NFX1: variants seen among roughly 807,000 people sequenced by gnomAD.
NFX1 encodes transcriptional repressor NF-X1.
In NFX1, 69 loss-of-function variants were observed where a neutral mutation model predicts 137.2. The ratio of observed to expected loss-of-function variants is 0.50; its 90% confidence interval spans 0.41 to 0.61. The LOEUF (loss-of-function observed/expected upper bound fraction) is 0.61, where lower values mean the gene tolerates loss of function less well. Among genes scored for constraint, NFX1 ranks in the 20% least tolerant of loss-of-function variants. The pLI is 0.00. For synonymous variants in NFX1, 495 were observed against 474.1 expected, an observed-to-expected ratio of 1.04 and a Z score of -0.57; for missense variants, 1,167 against 1,391.0, an observed-to-expected ratio of 0.84 and a Z score of 2.56.
rs150408873 is a variant in NFX1, at chr9:33,342,128, TCACA to T, written c.2116-598_2116-595del. The stretch of plus-strand genomic sequence containing the variant: ...GAGACCCTGTCTCTGTCTCTCTCTC[TCACA>T]CACACACACACACACACACGATGTA... On this transcript the variant is annotated intron_variant, in intron 12 of 23. Transcript: ENST00000379540. 3.9e-3 allele frequency among the ~76,000 whole-genome samples: 570 copies of T among 146,174 alleles called. 1 individual carries two copies. The highest frequency in any genetic ancestry group is 0.013 in the African/African-American group (533 of 39,844).
intron 9 of NFX1, among the ~76,000 whole-genome samples, chr9:33,326,241 C>T (rs528308150): frequency 6.6e-6 from 1 of 151,904 alleles, no homozygotes; most frequent in South Asian, 2.1e-4. Context: ...GGTGAAACTC[C>T]GTTTCTACTA....
Position 33,313,650 on chromosome 9 carries a change from A to G in NFX1, c.1449-4A>G, listed in dbSNP as rs1822046842. The G allele has an allele frequency of 1.2e-6, 2 of 1,613,856 alleles. No individual in the cohort carries two copies. The highest frequency in any genetic ancestry group is 1.3e-5 in the African/African-American group (1 of 74,912). On this transcript the variant is annotated splice_region_variant and splice_polypyrimidine_tract_variant and intron_variant, in intron 6 of 23. Transcript: ENST00000379540. ...TGCTGTCTTTACATCTATTGTCTTTACAGGCACACAGTTCGCTGTGGTCAG... is the reference window on the plus strand; with the variant it reads ...TGCTGTCTTTACATCTATTGTCTTTGCAGGCACACAGTTCGCTGTGGTCAG...
chr9:33,315,392 C>T (rs1013371478), intron 7 of NFX1, among the ~76,000 whole-genome samples: 2 of 152,146 alleles, frequency 1.3e-5, no homozygotes, highest in African/African-American at 2.4e-5. Context: ...CAACTCTAAT[C>T]GTCCCAGTTT....
At position 33,364,901 on chromosome 9, in the gene NFX1, G is replaced by C. The variant is rs1587882924; in HGVS notation, c.3039+127G>C. 7.3e-6 allele frequency: 11 copies of C among 1,499,040 alleles called. No individual in the cohort carries two copies. In the East Asian group the frequency reaches 2.7e-4, roughly 37 times the overall value. The allele number at this position is 1,499,040 out of a possible 1,614,324, so 92.9% of individuals were successfully genotyped here. A position where few individuals can be genotyped will look rare whatever the true frequency, so the allele number is the denominator to read the frequency against. On this transcript the variant is annotated intron_variant, in intron 21 of 23. Transcript: ENST00000379540. ...AGGAAAAAGTCACAACTTCTTTGAG[G>C]ATCCTTATCTTTCTCAAAACACAGC...
At chr9:33,335,503 G>A (rs542059239) in intron 11 of NFX1, among the ~76,000 whole-genome samples, 1 of 152,024 alleles carries the variant, frequency 6.6e-6, no homozygotes, top group South Asian at 2.1e-4. Context: ...AAAGTGCTGG[G>A]ATTACAGTCA....
intron 10 of NFX1, among the ~76,000 whole-genome samples, chr9:33,331,815 G>A (rs1822818265): frequency 6.6e-6 from 1 of 151,822 alleles, no homozygotes; most frequent in African/African-American, 2.4e-5. Context: ...GTAGAAGCCG[G>A]GCAGCTAGCC....
intron 15 of NFX1, among the ~76,000 whole-genome samples, chr9:33,347,456 A>C (rs567078024): frequency 6.6e-6 from 1 of 152,172 alleles, no homozygotes; most frequent in Admixed American, 6.5e-5. Flanking sequence ...TGTTCCAATC[A>C]TTTTACTTTA....
intron 19 of NFX1, among the ~76,000 whole-genome samples, chr9:33,355,242 T>G (rs986932351): frequency 1.3e-5 from 2 of 152,222 alleles, no homozygotes; most frequent in South Asian, 4.1e-4. Context: ...TATTGAAGAT[T>G]GGAAGTGTGC....
intron 9 of NFX1, among the ~76,000 whole-genome samples, chr9:33,322,644 T>C (rs1225435378): frequency 6.6e-6 from 1 of 152,034 alleles, no homozygotes; most frequent in African/African-American, 2.4e-5. Flanking sequence ...AGGGCAGAGG[T>C]TCCACTGAGA....
intron 11 of NFX1, 26 bp downstream of exon 11, chr9:33,332,528 A>T (rs753015194): frequency 4.0e-5 from 61 of 1,526,238 alleles, no homozygotes; most frequent in Middle Eastern, 3.4e-4. Flanking sequence ...GGCATGAGGG[A>T]ATTTCTGGGG....
intron 6 of NFX1, among the ~76,000 whole-genome samples, chr9:33,313,134 ACTC>A (rs1822023119): frequency 6.6e-6 from 1 of 151,992 alleles, no homozygotes; most frequent in African/African-American, 2.4e-5. Context: ...AGATCTTCTA[ACTC>A]CTCACCCCAG....
At position 33,319,132 on chromosome 9, in the gene NFX1, C is replaced by G. The variant is rs1459415795; in HGVS notation, c.1906+5C>G. 6.2e-7 allele frequency: 1 copy of G among 1,613,494 alleles called. No individual in the cohort carries two copies. Among genetic ancestry groups the G allele is most frequent in the South Asian group, 1.1e-5 (1 of 91,050 alleles). On this transcript the variant is annotated splice_donor_5th_base_variant and intron_variant, in intron 9 of 23. Coordinates refer to ENST00000379540, the MANE Select transcript of NFX1 (RefSeq NM_002504.6). ...CTCTGCCTTGTGGTTCCTTAGGTAA[C>G]TAGTAAGCGTAAAGTTGGCTTTAAA...
chr9:33,313,000 T>A (rs1383396559), intron 6 of NFX1, among the ~76,000 whole-genome samples: 1 of 152,222 alleles, frequency 6.6e-6, no homozygotes, highest in Non-Finnish European at 1.5e-5. Flanking sequence ...ATGTTCTAAG[T>A]GCTGGGTCTC....
At chr9:33,363,354 G>A (rs1445074020) in intron 19 of NFX1, among the ~76,000 whole-genome samples, 6 of 151,076 alleles carry the variant, frequency 4.0e-5, no homozygotes, top group East Asian at 1.9e-4. Flanking sequence ...GCACAATCTC[G>A]GTTCACTGCA....
At chr9:33,338,681 T>A in intron 12 of NFX1, 92 bp downstream of exon 12, 2 of 1,112,648 alleles carry the variant, frequency 1.8e-6, no homozygotes, top group Non-Finnish European at 2.6e-6. Context: ...AGCCCGGATT[T>A]AAAAGTCACT....
intron 19 of NFX1, among the ~76,000 whole-genome samples, chr9:33,361,876 C>T (rs1213755643): frequency 6.6e-6 from 1 of 151,172 alleles, no homozygotes; most frequent in Admixed American, 6.6e-5. Context: ...ATAATCCCAG[C>T]ATTTGGGTGG....
intron 20 of NFX1, among the ~76,000 whole-genome samples, chr9:33,364,495 T>C (rs1468147088): frequency 6.6e-6 from 1 of 152,214 alleles, no homozygotes; most frequent in Non-Finnish European, 1.5e-5. Context: ...TCCCTGGCCT[T>C]TCAGTGGCTA....
chr9:33,346,931 G>T, intron 14 of NFX1, 107 bp from the exon 15 acceptor site: 1 of 747,730 alleles, frequency 1.3e-6, no homozygotes, highest in East Asian at 2.8e-5. Flanking sequence ...AGTACTCCCA[G>T]TTTCTGAATT....
chr9:33,314,265 G>A (rs377170977), intron 7 of NFX1, among the ~76,000 whole-genome samples: 8 of 152,010 alleles, frequency 5.3e-5, no homozygotes, highest in Non-Finnish European at 7.4e-5. Flanking sequence ...GATTACAGGC[G>A]TGAGCCACAG....
Sources: allele counts gnomAD v4.1 joint callset (sites outside exome capture counted in the v4.1 genomes callset), GRCh38; gene constraint gnomAD v4.1.1; transcripts MANE v1.5; gene names NCBI Gene and HGNC (gene_info 2026-07-23, HGNC 2026-07-21).